The following HCN1 variants were observed in gnomAD, a reference collection of about 807,000 sequenced individuals.
HCN1 encodes the protein hyperpolarization activated cyclic nucleotide gated potassium channel 1.
A neutral mutation model predicts 78.9 loss-of-function variants in HCN1; 13 were observed. That is an observed-to-expected ratio of 0.16 (90% CI 0.11 to 0.26). The LOEUF is 0.26. Ranked by LOEUF, HCN1 falls within the 10% of genes least tolerant of loss-of-function variation. The pLI, the probability that HCN1 is intolerant of heterozygous loss-of-function variation, is 1.00. For missense variants in HCN1, 810 were observed against 1,154.3 expected (o/e 0.70, Z 4.32); for synonymous variants, 552 against 455.5 (o/e 1.21, Z -2.70).
intron 1 of HCN1, among the ~76,000 whole-genome samples, chr5:45,679,738 T>C (rs1739670085): frequency 6.6e-6 from 1 of 152,118 alleles, no homozygotes. Context: ...TCACATTTAA[T>C]AAAATTGTTT....
chr5:45,332,588 A>C (rs114495019), intron 5 of HCN1, among the ~76,000 whole-genome samples: 5,283 of 151,186 alleles, frequency 0.035, 335 homozygotes, highest in African/African-American at 0.12. Context: ...TTTTTTTCTA[A>C]CTATCATTTT....
chr5:45,344,390 A>G (rs1165382758), intron 5 of HCN1, among the ~76,000 whole-genome samples: 2 of 152,056 alleles, frequency 1.3e-5, no homozygotes, highest in Admixed American at 6.6e-5. Flanking sequence ...TTCCAAACCA[A>G]TAATTCCTTC....
chr5:45,573,757 G>C (rs1743881610), intron 2 of HCN1, among the ~76,000 whole-genome samples: 1 of 151,908 alleles, frequency 6.6e-6, no homozygotes, highest in South Asian at 2.1e-4. Flanking sequence ...CTGACATTTG[G>C]CCTTGGGAAA....
At chr5:45,376,586 A>C (rs1260419003) in intron 4 of HCN1, among the ~76,000 whole-genome samples, 3 of 151,728 alleles carry the variant, frequency 2.0e-5, no homozygotes, top group Non-Finnish European at 4.4e-5. Flanking sequence ...AACAAGCATG[A>C]TAACATTTGG....
In HCN1 at chr5:45,584,594, C is replaced by T. The variant is rs899553569; in HGVS notation, c.849+60591G>A. Among the ~76,000 whole-genome samples the T allele has an allele frequency of 2.2e-4, 34 of 152,202 alleles. No individual in the cohort carries two copies. In the South Asian group the frequency reaches 2.5e-3, roughly 11 times the overall value. On this transcript the variant is annotated intron_variant, in intron 2 of 7. Coordinates refer to ENST00000303230, the MANE Select transcript of HCN1 (RefSeq NM_021072.4). ...ATTATAATGTTAGCTGGTTATTTTG[C>T]TCCTTAGTTGATGCAGTTTCTTCCT...
chr5:45,367,522 C>A (rs1300579967), intron 4 of HCN1, among the ~76,000 whole-genome samples: 1 of 151,776 alleles, frequency 6.6e-6, no homozygotes, highest in Admixed American at 6.6e-5. Flanking sequence ...AACCATGATG[C>A]ATGATGTTAC....
At chr5:45,292,237 A>C (rs1468747153) in intron 6 of HCN1, among the ~76,000 whole-genome samples, 1 of 151,992 alleles carries the variant, frequency 6.6e-6, no homozygotes, top group Non-Finnish European at 1.5e-5. Flanking sequence ...CTTACAATTG[A>C]TAACTATTTT....
In HCN1 at chr5:45,676,398, TAAGTA is replaced by T. The variant is rs540761384; in HGVS notation, c.425+19266_425+19270del. On this transcript the variant is annotated intron_variant, in intron 1 of 7. Transcript: ENST00000303230. ...CAATCAGATACATTAGAGATCATAT[TAAGTA>T]AAGTATATCCATAATTATACTATTA... Among the ~76,000 whole-genome samples the T allele has an allele frequency of 2.6e-3, 389 of 151,886 alleles. 5 individuals carry two copies. The highest frequency in any genetic ancestry group is 8.8e-3 in the African/African-American group (366 of 41,514).
intron 5 of HCN1, among the ~76,000 whole-genome samples, chr5:45,321,524 T>C (rs2111936506): frequency 6.6e-6 from 1 of 151,972 alleles, no homozygotes; most frequent in African/African-American, 2.4e-5. Context: ...ACCACAGCTT[T>C]ATATTTTGCA....
intron 4 of HCN1, among the ~76,000 whole-genome samples, chr5:45,372,936 TA>T (rs1221164153): frequency 1.4e-5 from 2 of 139,542 alleles, no homozygotes; most frequent in Non-Finnish European, 3.1e-5. Flanking sequence ...ATTTTATACA[TA>T]AAAATATATA....
intron 3 of HCN1, among the ~76,000 whole-genome samples, chr5:45,440,241 G>T (rs6860200): frequency 0.5 from 75,508 of 151,480 alleles, 20,128 homozygotes; most frequent in African/African-American, 0.69. Flanking sequence ...CCTTCAATTA[G>T]TCCTTATATA....
chr5:45,499,554 T>C (rs552702680), intron 2 of HCN1, among the ~76,000 whole-genome samples: 1 of 152,312 alleles, frequency 6.6e-6, no homozygotes, highest in South Asian at 2.1e-4. Context: ...GTCTTCTGCG[T>C]CGCTTACGCT....
chr5:45,481,348 G>C (rs1741647221), intron 2 of HCN1, among the ~76,000 whole-genome samples: 1 of 152,150 alleles, frequency 6.6e-6, no homozygotes, highest in South Asian at 2.1e-4. Flanking sequence ...TCTAATCTTG[G>C]TTTCAAACTA....
At chr5:45,314,157 C>G (rs1042033709) in intron 5 of HCN1, among the ~76,000 whole-genome samples, 1 of 152,088 alleles carries the variant, frequency 6.6e-6, no homozygotes, top group Non-Finnish European at 1.5e-5. Flanking sequence ...AGACTAACAG[C>G]GAATCTCTCG....
intron 5 of HCN1, among the ~76,000 whole-genome samples, chr5:45,337,130 C>T (rs772674895): frequency 2.0e-5 from 3 of 152,030 alleles, no homozygotes; most frequent in African/African-American, 2.4e-5. Context: ...CCTTCCTCTT[C>T]GCCCCACCAT....
chr5:45,355,418 T>C (rs1277070678), intron 4 of HCN1, among the ~76,000 whole-genome samples: 5 of 151,952 alleles, frequency 3.3e-5, no homozygotes, highest in African/African-American at 1.2e-4. Context: ...AATCAGAAAC[T>C]CTACATTTGG....
At chr5:45,677,647 G>T (rs1308314527) in intron 1 of HCN1, among the ~76,000 whole-genome samples, 5 of 151,776 alleles carry the variant, frequency 3.3e-5, no homozygotes, top group Non-Finnish European at 7.4e-5. Flanking sequence ...AGGTAGGAAT[G>T]AAAGGGTTAC....
intron 3 of HCN1, among the ~76,000 whole-genome samples, chr5:45,412,966 G>T (rs1384767748): frequency 6.6e-6 from 1 of 152,034 alleles, no homozygotes; most frequent in Non-Finnish European, 1.5e-5. Flanking sequence ...TATTAGTTTT[G>T]AACATTCTTG....
chr5:45,597,099 C>A (rs181564283), intron 2 of HCN1, among the ~76,000 whole-genome samples: 12 of 152,228 alleles, frequency 7.9e-5, no homozygotes, highest in Admixed American at 7.9e-4. Flanking sequence ...CAAAGCCTAG[C>A]AGAGACACAA....
Sources: allele counts gnomAD v4.1 joint callset (sites outside exome capture counted in the v4.1 genomes callset), GRCh38; gene constraint gnomAD v4.1.1; transcripts MANE v1.5; gene names NCBI Gene and HGNC (gene_info 2026-07-23, HGNC 2026-07-21).